Variants in ARHGEF7 observed in about 807,000 individuals in gnomAD.
ARHGEF7 encodes the protein Rho guanine nucleotide exchange factor 7.
A neutral mutation model predicts 109.8 loss-of-function variants in ARHGEF7; 33 were observed. That is an observed-to-expected ratio of 0.30 (90% CI 0.23 to 0.40). The LOEUF (loss-of-function observed/expected upper bound fraction) is 0.40, where lower values mean the gene tolerates loss of function less well. ARHGEF7 is among the 10% of genes least tolerant of loss of function. ARHGEF7 has a pLI of 1.00. For synonymous variants in ARHGEF7, 458 were observed against 424.6 expected, an observed-to-expected ratio of 1.08 and a Z score of -0.97; for missense variants, 938 against 1,098.5, an observed-to-expected ratio of 0.85 and a Z score of 2.07.
chr13:111,295,374 A>G (rs996741064), intron 19 of ARHGEF7, among the ~76,000 whole-genome samples: 1 of 152,222 alleles, frequency 6.6e-6, no homozygotes, highest in African/African-American at 2.4e-5. Flanking sequence ...GTTCTGGACA[A>G]GACGAAGTCA....
rs2093196131 is a variant in ARHGEF7, at chr13:111,289,751, G to A, written c.2134+1308G>A. ...ACGGCTGCAGCTGTGAAGATAGGAT[G>A]AGCAGGGTAAATCCTTCACGGAATC... is the stretch of plus-strand genomic sequence containing the variant. On this transcript the variant is annotated intron_variant, in intron 18 of 21. Transcript: ENST00000646102. Among the ~76,000 whole-genome samples the A allele has an allele frequency of 3.3e-5, 5 of 151,218 alleles. No individual in the cohort carries two copies. The South Asian group carries it at 1.0e-3, about 31-fold the overall frequency.
At chr13:111,282,170 A>G (rs866916641) in intron 15 of ARHGEF7, among the ~76,000 whole-genome samples, 2 of 122,708 alleles carry the variant, frequency 1.6e-5, no homozygotes, top group South Asian at 3.1e-4. Context: ...GATGGCTTCT[A>G]TTCTTGAAAT....
intron 8 of ARHGEF7, among the ~76,000 whole-genome samples, chr13:111,244,594 G>A (rs2088443068): frequency 6.6e-6 from 1 of 152,160 alleles, no homozygotes; most frequent in South Asian, 2.1e-4. Flanking sequence ...GACCACTGAG[G>A]GGACAAGTGG....
rs1355807839 is a variant in ARHGEF7 at position 111,161,770 on chromosome 13, A to G, written c.252+7779A>G. Among the ~76,000 whole-genome samples the G allele has an allele frequency of 6.6e-5, 10 of 152,146 alleles. 1 individual carries two copies. The South Asian group carries it at 2.1e-3, about 32-fold the overall frequency. ...TTTTTTTTAACCATTGCAAATATGT[A>G]AATATATTTTTAAAATATCCATGAC... is the stretch of plus-strand genomic sequence containing the variant. On this transcript the variant is annotated intron_variant, in intron 2 of 21. Coordinates refer to ENST00000646102, the MANE Select transcript of ARHGEF7 (RefSeq NM_001354046.2).
At chr13:111,120,422 C>T (rs557127283) in intron 1 of ARHGEF7, among the ~76,000 whole-genome samples, 8 of 152,336 alleles carry the variant, frequency 5.3e-5, no homozygotes, top group South Asian at 2.1e-4. Context: ...TATGCACACA[C>T]GCATGCATGC....
intron 8 of ARHGEF7, among the ~76,000 whole-genome samples, chr13:111,260,274 C>T (rs899569806): frequency 3.9e-5 from 6 of 152,200 alleles, no homozygotes; most frequent in Non-Finnish European, 7.3e-5. Flanking sequence ...ATTAATAAAA[C>T]ACGAAGTAGA....
chr13:111,135,134 G>A (rs1205468379), intron 1 of ARHGEF7, among the ~76,000 whole-genome samples: 2 of 152,052 alleles, frequency 1.3e-5, no homozygotes, highest in South Asian at 2.1e-4. Flanking sequence ...ATTTCTGAGG[G>A]CTCTGTTCTG....
chr13:111,301,590 A>C (rs980367491), intron 21 of ARHGEF7, 58 bp downstream of exon 21: 2 of 1,423,578 alleles, frequency 1.4e-6, no homozygotes, highest in African/African-American at 2.8e-5. Context: ...GAAAAGAAGA[A>C]AATTACATTA....
chr13:111,274,801 A>G lies in ARHGEF7; in HGVS notation c.1272+11A>G. The G allele has an allele frequency of 7.0e-7, 1 of 1,437,336 alleles. No homozygotes were observed. Among genetic ancestry groups the G allele is most frequent in the Non-Finnish European group, 9.2e-7 (1 of 1,081,844 alleles). 89.0% of individuals were successfully genotyped at this position (1,437,336 alleles called of 1,614,324 possible). A position where few individuals can be genotyped will look rare whatever the true frequency, so the allele number is the denominator to read the frequency against. On this transcript the variant is annotated intron_variant, in intron 11 of 21. Coordinates refer to ENST00000646102, the MANE Select transcript of ARHGEF7 (RefSeq NM_001354046.2). ...TTCAAAAACCTTTCAGTAAGTGATT[A>G]AGCATATTGTTTTCCCCCCCAGACA...
chr13:111,268,524 C>T (rs1030098302), intron 9 of ARHGEF7, among the ~76,000 whole-genome samples: 1 of 152,184 alleles, frequency 6.6e-6, no homozygotes, highest in Non-Finnish European at 1.5e-5. Context: ...TTCAGCTTAA[C>T]CGAACATTTC....
At chr13:111,164,961 T>C (rs1301647188) in intron 2 of ARHGEF7, among the ~76,000 whole-genome samples, 1 of 152,186 alleles carries the variant, frequency 6.6e-6, no homozygotes, top group Admixed American at 6.5e-5. Flanking sequence ...TAATATTGGC[T>C]ATGGGTTTTG....
At chr13:111,241,781 G>C (rs1358489102) in intron 6 of ARHGEF7, among the ~76,000 whole-genome samples, 1 of 152,152 alleles carries the variant, frequency 6.6e-6, no homozygotes, top group Non-Finnish European at 1.5e-5. Flanking sequence ...AGGTCTTCAG[G>C]TGTGCAGTGA....
chr13:111,257,143 T>TC (rs1293099308), intron 8 of ARHGEF7, among the ~76,000 whole-genome samples: 1 of 152,198 alleles, frequency 6.6e-6, no homozygotes, highest in Non-Finnish European at 1.5e-5. Context: ...AGTGGGATTT[T>TC]CCCCCCACCC....
chr13:111,172,720 C>T (rs1459673644), intron 2 of ARHGEF7, among the ~76,000 whole-genome samples: 4 of 152,214 alleles, frequency 2.6e-5, no homozygotes, highest in Admixed American at 6.5e-5. Flanking sequence ...CAAGGCTTGG[C>T]AGTTTTCTGT....
intron 5 of ARHGEF7, among the ~76,000 whole-genome samples, chr13:111,229,588 C>T (rs561511244): frequency 1.3e-5 from 2 of 152,162 alleles, no homozygotes; most frequent in Non-Finnish European, 2.9e-5. Flanking sequence ...TTTGGGGAAC[C>T]TGGTCCCTTT....
chr13:111,255,313 C>T lies in ARHGEF7; in HGVS notation c.950+11019C>T, dbSNP rs966284768. On this transcript the variant is annotated intron_variant, in intron 8 of 21. Transcript: ENST00000646102. This position sits in a 1 kb window ranked among gnomAD's most constrained non-coding sequence, Gnocchi z 4.1. ...TACTGGGAGCTGCAGACTTCCCACC[C>T]GGCCTACTGCATGTGTGGGAAGAGG... Among the ~76,000 whole-genome samples the T allele has an allele frequency of 1.3e-5, 2 of 152,196 alleles. No individual in the cohort carries two copies. The highest frequency in any genetic ancestry group is 2.1e-4 in the South Asian group (1 of 4,826).
chr13:111,133,866 A>G (rs1487124651), intron 1 of ARHGEF7, among the ~76,000 whole-genome samples: 2 of 146,642 alleles, frequency 1.4e-5, no homozygotes, highest in Non-Finnish European at 3.0e-5. Context: ...GGTTTGTTAC[A>G]TATGTATACA....
intron 8 of ARHGEF7, among the ~76,000 whole-genome samples, chr13:111,246,041 G>C (rs1408673167): frequency 6.6e-6 from 1 of 152,162 alleles, no homozygotes; most frequent in Admixed American, 6.5e-5. Context: ...TTCCTTTGGA[G>C]GGACAGAGGC....
At chr13:111,275,712 T>C (rs1450345904) in intron 12 of ARHGEF7, 34 bp downstream of exon 12, 2 of 1,613,506 alleles carry the variant, frequency 1.2e-6, no homozygotes, top group Non-Finnish European at 1.7e-6. Context: ...CCAGGGTTTC[T>C]GTCCCACTCT....
Sources: allele counts gnomAD v4.1 joint callset (sites outside exome capture counted in the v4.1 genomes callset), GRCh38; gene constraint gnomAD v4.1.1; non-coding constraint Gnocchi (gnomAD v3.1); transcripts MANE v1.5; gene names NCBI Gene and HGNC (gene_info 2026-07-23, HGNC 2026-07-21).